The following RPL28 variants were observed in gnomAD, a reference collection of about 807,000 sequenced individuals.
The protein encoded by RPL28 is large ribosomal subunit protein eL28.
In RPL28, 4 loss-of-function variants were observed where a neutral mutation model predicts 12.5. The ratio of observed to expected loss-of-function variants is 0.32; its 90% CI spans 0.16 to 0.73. The LOEUF (loss-of-function observed/expected upper bound fraction) is 0.73, where lower values mean the gene tolerates loss of function less well. Ranked by LOEUF, RPL28 falls within the 30% of genes least tolerant of loss-of-function variation. RPL28 has a pLI of 0.66. For missense variants in RPL28, 214 were observed against 197.7 expected (o/e 1.08, Z -0.49); for synonymous variants, 91 against 72.5 (o/e 1.26, Z -1.30).
chr19:55,386,858 C>G (rs1181489113), intron 3 of RPL28, 165 bp downstream of exon 3: 1 of 1,553,992 alleles, frequency 6.4e-7, no homozygotes, highest in Non-Finnish European at 8.7e-7. Context: ...GACTTGTCAG[C>G]TCTGTGAGCC....
At position 55,391,878 on chromosome 19, in the gene RPL28, T is replaced by C. The variant is rs1468809501; in HGVS notation, c.*3546T>C. On this transcript the variant is annotated 3_prime_UTR_variant, in exon 5 of 5. Coordinates refer to ENST00000344063, the MANE Select transcript of RPL28 (RefSeq NM_000991.5). ...CCAAGCACCTGGAAGACATGCCAGATCCATGTGCAGTAATGCCTGGTGGCT... is the reference window on the plus strand; with the variant it reads ...CCAAGCACCTGGAAGACATGCCAGACCCATGTGCAGTAATGCCTGGTGGCT... 2 of 1,373,048 alleles carry C rather than the reference T, an allele frequency of 1.5e-6. No homozygotes were observed. The highest frequency in any genetic ancestry group is 1.9e-6 in the Non-Finnish European group (2 of 1,057,080). 85.1% of individuals were successfully genotyped at this position (1,373,048 alleles called of 1,614,324 possible).
intron 1 of RPL28, 89 bp from the exon 2 acceptor site, chr19:55,386,261 T>C: frequency 8.0e-7 from 1 of 1,255,668 alleles, no homozygotes; most frequent in Non-Finnish European, 1.1e-6. Flanking sequence ...CCAGTCGCTC[T>C]CTTCCTCTGC....
Position 55,389,802 on chromosome 19 carries a change from G to C in RPL28, c.*1470G>C. ...CCTTAAAACTGAGTTGGGTGACTTG[G>C]TACCTGCTCAGGACCCCCCGCACTG... On this transcript the variant is annotated 3_prime_UTR_variant, in exon 5 of 5. Transcript: ENST00000344063. The C allele has an allele frequency of 2.7e-5, 27 of 984,700 alleles. No individual in the cohort carries two copies. Among genetic ancestry groups the C allele is most frequent in the Non-Finnish European group, 3.3e-5 (27 of 829,352 alleles). 61.0% of individuals were successfully genotyped at this position (984,700 alleles called of 1,614,324 possible). A position where few individuals can be genotyped will look rare whatever the true frequency, so the allele number is the denominator to read the frequency against.
At chr19:55,398,719 TGAGACAGA>T (rs1433778477) in intron 4 of RPL28, among the ~76,000 whole-genome samples, 7 of 152,216 alleles carry the variant, frequency 4.6e-5, no homozygotes, top group African/African-American at 1.7e-4. Flanking sequence ...GCGGGGGTGT[TGAGACAGA>T]GTCTCACTCT....
At chr19:55,403,016 T>C (rs1569048776) in exon 5 of RPL28, 2 of 1,521,204 alleles carry the variant, frequency 1.3e-6, no homozygotes, top group Admixed American at 3.9e-5. Flanking sequence ...CGCCTCCACC[T>C]CAGCAACACC....
At chr19:55,400,258 C>T (rs2090047277) in intron 4 of RPL28, 1 of 152,224 alleles carries the variant, frequency 6.6e-6, no homozygotes, top group African/African-American at 2.4e-5. Context: ...CTCCTGGCCT[C>T]AAGTGATCCT....
intron 3 of RPL28, chr19:55,387,152 C>T (rs1600301552): frequency 1.6e-6 from 2 of 1,286,130 alleles, no homozygotes; most frequent in East Asian, 2.5e-5. Context: ...GTCTTGGGGA[C>T]CCCACTCCAT....
chr19:55,395,573 A>G (rs28626567), downstream of RPL28, among the ~76,000 whole-genome samples: 58,959 of 150,784 alleles, frequency 0.39, 15,623 homozygotes, highest in African/African-American at 0.75. Flanking sequence ...CCTCCCTAGT[A>G]GCTGGGACTA....
In RPL28 at chr19:55,391,775, T is replaced by C. The variant is rs1297695912; in HGVS notation, c.*3443T>C. ...AAATTAATGACTTTTTATAAATATT[T>C]TGATCAGATGGACTCATGATCACAG... is the stretch of plus-strand genomic sequence containing the variant. On this transcript the variant is annotated 3_prime_UTR_variant, in exon 5 of 5. Transcript: ENST00000344063. The C allele has an allele frequency of 1.5e-6, 2 of 1,377,602 alleles. No individual in the cohort carries two copies. The highest frequency in any genetic ancestry group is 2.7e-5 in the South Asian group (2 of 74,736). 85.3% of individuals were successfully genotyped at this position (1,377,602 alleles called of 1,614,324 possible). A position where few individuals can be genotyped will look rare whatever the true frequency, so the allele number is the denominator to read the frequency against.
chr19:55,389,826 T>C lies in RPL28; in HGVS notation c.*1494T>C, dbSNP rs1305485553. 2 of 984,608 alleles carry C rather than the reference T, an allele frequency of 2.0e-6. No homozygotes were observed. Among genetic ancestry groups the C allele is most frequent in the Non-Finnish European group, 2.4e-6 (2 of 829,384 alleles). 61.0% of individuals were successfully genotyped at this position (984,608 alleles called of 1,614,324 possible). A position where few individuals can be genotyped will look rare whatever the true frequency, so the allele number is the denominator to read the frequency against. The stretch of plus-strand genomic sequence containing the variant: ...GGTACCTGCTCAGGACCCCCCGCAC[T>C]GTCCCAATCCCACTCAGGCCCACCT... On this transcript the variant is annotated 3_prime_UTR_variant, in exon 5 of 5. Transcript: ENST00000344063.
chr19:55,388,301 G>A lies in RPL28; in HGVS notation c.383G>A (p.Arg128Lys). 1 of 1,582,546 alleles carries A rather than the reference G, an allele frequency of 6.3e-7. No homozygotes were observed. The highest frequency in any genetic ancestry group is 8.6e-7 in the Non-Finnish European group (1 of 1,164,686). The stretch of plus-strand genomic sequence containing the variant: ...AGCCAGAAGCCTGTGATGGTGAAGA[G>A]GAAGCGGACCCGCCCCACCAAGAGC... ...LRSQKPVMVK[R>K]KRTRPTKSS The change falls in exon 5 of 5, where the codon AGG becomes AAG. Residue 128 changes from arginine (R) to lysine (K), a missense_variant. Arg to Lys is a conservative substitution (Grantham distance 26, BLOSUM62 2). Coordinates refer to ENST00000344063, the MANE Select transcript of RPL28 (RefSeq NM_000991.5).
At chr19:55,394,045 A>G (rs1417322689), downstream of RPL28, among the ~76,000 whole-genome samples, 3 of 151,820 alleles carry the variant, frequency 2.0e-5, no homozygotes, top group Admixed American at 6.6e-5. Flanking sequence ...GGCGGATCAC[A>G]AGGTCAGGAG....
chr19:55,402,439 G>A (rs906039983), intron 4 of RPL28, among the ~76,000 whole-genome samples: 8 of 152,308 alleles, frequency 5.3e-5, no homozygotes, highest in South Asian at 2.1e-4. Context: ...TTCACAGCCC[G>A]TCCTGAGGGG....
chr19:55,388,183 G>T (rs2089953897), intron 4 of RPL28, 60 bp from the exon 5 acceptor site: 2 of 1,519,340 alleles, frequency 1.3e-6, no homozygotes, highest in African/African-American at 1.4e-5. Flanking sequence ...CCCAGCATTG[G>T]CCTAGGGGGC....
rs959025985 is a variant in RPL28, at chr19:55,392,018, C to T, written c.*3686C>T. 26 of 1,091,668 alleles carry T rather than the reference C, an allele frequency of 2.4e-5. No homozygotes were observed. In the South Asian group the frequency reaches 9.4e-4, roughly 39 times the overall value. 67.6% of individuals were successfully genotyped at this position (1,091,668 alleles called of 1,614,324 possible). A position where few individuals can be genotyped will look rare whatever the true frequency, so the allele number is the denominator to read the frequency against. On this transcript the variant is annotated 3_prime_UTR_variant, in exon 5 of 5. Transcript: ENST00000344063. ...CCAGCCCAGGCTGTTTGGCGCTGCC[C>T]AGGAATGGTATCAATTCCCCTGTTT...
At chr19:55,388,204 G>GT (rs2089954397) in intron 4 of RPL28, 39 bp from the exon 5 acceptor site, 2 of 1,515,780 alleles carry the variant, frequency 1.3e-6, no homozygotes, top group African/African-American at 2.8e-5. Flanking sequence ...GGCTTGTGGA[G>GT]TGTATGGGCT....
rs537389243 is a variant in RPL28 at position 55,391,759 on chromosome 19, A to T, written c.*3427A>T. 39 of 1,480,756 alleles carry T rather than the reference A, an allele frequency of 2.6e-5. No homozygotes were observed. The South Asian group carries it at 4.8e-4, about 18-fold the overall frequency. 91.7% of individuals were successfully genotyped at this position (1,480,756 alleles called of 1,614,324 possible). ...TCCTGATTGTAGGAATAAATTAATG[A>T]CTTTTTATAAATATTTTGATCAGAT... On this transcript the variant is annotated 3_prime_UTR_variant, in exon 5 of 5. Transcript: ENST00000344063.
chr19:55,390,132 CCAG>C lies in RPL28; in HGVS notation c.*1803_*1805del, dbSNP rs1353957980. On this transcript the variant is annotated 3_prime_UTR_variant, in exon 5 of 5. Transcript: ENST00000344063. ...GTGGGCAAGGGGTTTGTCTAGCACA[CCAG>C]CATATAATGAGATGCTTGATGAATG... is the stretch of plus-strand genomic sequence containing the variant. The C allele has an allele frequency of 4.1e-5, 40 of 985,358 alleles. No homozygotes were observed. The African/African-American group carries it at 6.3e-4, about 15-fold the overall frequency. 61.0% of individuals were successfully genotyped at this position (985,358 alleles called of 1,614,324 possible). A position where few individuals can be genotyped will look rare whatever the true frequency, so the allele number is the denominator to read the frequency against.
At chr19:55,401,614 C>T in intron 4 of RPL28, 9 of 1,606,848 alleles carry the variant, frequency 5.6e-6, no homozygotes, top group Non-Finnish European at 7.6e-6. Flanking sequence ...GGCTTCGGCC[C>T]TGCCGCTGGG....
Sources: allele counts gnomAD v4.1 joint callset (sites outside exome capture counted in the v4.1 genomes callset), GRCh38; gene constraint gnomAD v4.1.1; transcripts MANE v1.5; gene names NCBI Gene and HGNC (gene_info 2026-07-23, HGNC 2026-07-21).